The following PIP4K2B variants were observed in gnomAD, a reference collection of about 807,000 sequenced individuals.
PIP4K2B encodes phosphatidylinositol-5-phosphate 4-kinase type 2 beta, also known as phosphatidylinositol 5-phosphate 4-kinase type-2 beta.
PIP4K2B carries 3 observed loss-of-function variants against 42.0 expected under a neutral mutation model. The observed-to-expected ratio is 0.07, with a 90% CI of 0.03 to 0.18. The LOEUF is 0.18. Ranked by LOEUF, PIP4K2B falls within the 10% of genes least tolerant of loss-of-function variation. The probability of loss-of-function intolerance (pLI) is 1.00; values close to 1 mark genes in which losing one functional copy is unlikely to be tolerated. For missense variants in PIP4K2B, 332 were observed against 562.3 expected, an observed-to-expected ratio of 0.59 and a Z score of 4.14; for synonymous variants, 204 against 210.1, an observed-to-expected ratio of 0.97 and a Z score of 0.25.
At position 38,788,504 on chromosome 17, in the gene PIP4K2B, T is replaced by C. The variant is rs184425741; in HGVS notation, c.160-1584A>G. Among the ~76,000 whole-genome samples the C allele has an allele frequency of 5.5e-3, 829 of 151,674 alleles. 9 individuals carry two copies. Among genetic ancestry groups the C allele is most frequent in the African/African-American group, 0.019 (783 of 41,422 alleles). On this transcript the variant is annotated intron_variant, in intron 1 of 9. Coordinates refer to ENST00000619039, the MANE Select transcript of PIP4K2B (RefSeq NM_003559.5). ...CATGAGCCACTGCGCCCGGCTGTAATAGATTAAAGTGAGCAGTAGTAAATG... is the reference window on the plus strand; with the variant it reads ...CATGAGCCACTGCGCCCGGCTGTAACAGATTAAAGTGAGCAGTAGTAAATG...
At chr17:38,769,892 C>T in intron 9 of PIP4K2B, 121 bp from the exon 10 acceptor site, 1 of 846,282 alleles carries the variant, frequency 1.2e-6, no homozygotes, top group South Asian at 1.4e-5. Context: ...ATACCACCCC[C>T]AACCCCACCA....
chr17:38,776,793 T>C (rs1909381806), intron 7 of PIP4K2B, among the ~76,000 whole-genome samples: 1 of 152,194 alleles, frequency 6.6e-6, no homozygotes, highest in South Asian at 2.1e-4. Context: ...TATCAAGTGG[T>C]CCAGATAACA....
chr17:38,771,115 G>A lies in PIP4K2B; in HGVS notation c.965C>T (p.Thr322Ile), dbSNP rs777105009. 6.2e-7 allele frequency: 1 copy of A among 1,614,166 alleles called. No homozygotes were observed. The highest frequency in any genetic ancestry group is 1.1e-5 in the South Asian group (1 of 91,084). The change falls in exon 8 of 10, where the codon ACA (threonine) becomes ATA (isoleucine). Residue 322 changes from threonine (T) to isoleucine (I), a missense_variant. Around this residue, in one of 6 missense-constraint regions of PIP4K2B, gnomAD observed 63 missense variants for 71.6 expected, o/e 0.88. Coordinates refer to ENST00000619039, the MANE Select transcript of PIP4K2B (RefSeq NM_003559.5). The part of the protein sequence containing the change: ...VGGNLLCSYG[T>I]PPDSPGNLLS... ...GAGGTTGCCAGGGCTGTCCGGAGGT[G>A]TGCCATAGGAGCAGAGTAGGTTGCC...
At chr17:38,774,411 G>A (rs1204974507) in intron 7 of PIP4K2B, among the ~76,000 whole-genome samples, 1 of 152,184 alleles carries the variant, frequency 6.6e-6, no homozygotes, top group Non-Finnish European at 1.5e-5. Context: ...GCTCTCCTGG[G>A]CCTCCGGCTT....
At chr17:38,784,167 G>T in intron 3 of PIP4K2B, 76 bp downstream of exon 3, 1 of 869,622 alleles carries the variant, frequency 1.1e-6, no homozygotes, top group South Asian at 1.4e-5. Context: ...AACACGTTTT[G>T]ATTCTCTACC....
At chr17:38,777,620 G>A in intron 7 of PIP4K2B, 67 bp downstream of exon 7, 6 of 1,020,600 alleles carry the variant, frequency 5.9e-6, no homozygotes, top group Non-Finnish European at 9.4e-6. Flanking sequence ...TTCTTCTTAA[G>A]GTTTAAGAGG....
intron 2 of PIP4K2B, 127 bp from the exon 3 acceptor site, chr17:38,784,466 C>T: frequency 1.7e-6 from 1 of 575,824 alleles, no homozygotes; most frequent in South Asian, 2.4e-5. Context: ...GAACTCCTGG[C>T]TTCAAGCGAT....
intron 1 of PIP4K2B, among the ~76,000 whole-genome samples, chr17:38,789,756 TAGGAATGCACGTGCTTTG>T (rs1474458982): frequency 1.3e-5 from 2 of 151,934 alleles, no homozygotes; most frequent in Non-Finnish European, 2.9e-5. Flanking sequence ...AAGGAAGCCA[TAGGAATGCACGTGCTTTG>T]AGAGGGATGC....
chr17:38,779,331 C>T (rs1025257798), intron 5 of PIP4K2B, 52 bp downstream of exon 5: 65 of 1,547,196 alleles, frequency 4.2e-5, no homozygotes, highest in African/African-American at 3.5e-4. Flanking sequence ...GTGGCCCCTT[C>T]GGGGCTCAGA....
intron 7 of PIP4K2B, 23 bp from the exon 8 acceptor site, chr17:38,771,295 G>A (rs1315708238): frequency 6.2e-7 from 1 of 1,613,632 alleles, no homozygotes; most frequent in East Asian, 2.2e-5. Context: ...AGGATGGAAA[G>A]ATGGAAGGAA....
intron 5 of PIP4K2B, among the ~76,000 whole-genome samples, chr17:38,779,140 C>CA (rs1412355696): frequency 6.6e-6 from 1 of 152,244 alleles, no homozygotes; most frequent in East Asian, 1.9e-4. Flanking sequence ...GCACATTCCA[C>CA]AGACAGGAAC....
At position 38,786,907 on chromosome 17, in the gene PIP4K2B, C is replaced by T. The variant is rs1268824863; in HGVS notation, c.173G>A (p.Ser58Asn). The T allele has an allele frequency of 1.2e-6, 2 of 1,612,268 alleles. No homozygotes were observed. The highest frequency in any genetic ancestry group is 1.7e-6 in the Non-Finnish European group (2 of 1,178,388). The change falls in exon 2 of 10, where the codon AGC becomes AAC. Residue 58 changes from serine to asparagine, a missense_variant. Around this residue, in one of 6 missense-constraint regions of PIP4K2B, gnomAD observed 186 missense variants for 288.4 expected, o/e 0.64. Coordinates refer to ENST00000619039, the MANE Select transcript of PIP4K2B (RefSeq NM_003559.5). ...WGVNHTINEL[S>N]NVPVPVMLMP... ...TAGCATGACAGGAACAGGAACATTG[C>T]TCAGCTCATTGATCTGAAAAGCAAG...
chr17:38,798,750 G>A (rs1910784642), intron 1 of PIP4K2B, among the ~76,000 whole-genome samples: 1 of 152,162 alleles, frequency 6.6e-6, no homozygotes, highest in Non-Finnish European at 1.5e-5. Flanking sequence ...GGAAACCCAG[G>A]GTGGAGTTCT....
At chr17:38,783,686 C>T (rs555604982) in intron 3 of PIP4K2B, among the ~76,000 whole-genome samples, 4 of 152,164 alleles carry the variant, frequency 2.6e-5, no homozygotes, top group Admixed American at 1.3e-4. Context: ...CTGCAACCTC[C>T]GCCTCCCAGG....
intron 4 of PIP4K2B, 122 bp from the exon 5 acceptor site, chr17:38,779,651 C>T: frequency 1.2e-6 from 1 of 807,004 alleles, no homozygotes; most frequent in South Asian, 1.7e-5. Flanking sequence ...ACCAGTAGTT[C>T]TCCAGCTGGG....
chr17:38,776,700 A>T (rs1179760703), intron 7 of PIP4K2B: 1 of 394,954 alleles, frequency 2.5e-6, no homozygotes, highest in Non-Finnish European at 4.9e-6. Context: ...AATTAAAAAA[A>T]ATTTTTTTTC....
intron 7 of PIP4K2B, among the ~76,000 whole-genome samples, chr17:38,771,689 G>A (rs1909053736): frequency 1.3e-5 from 2 of 151,918 alleles, no homozygotes; most frequent in East Asian, 1.9e-4. Flanking sequence ...AAGATAGAAC[G>A]AGCACTGCAG....
At chr17:38,781,613 C>T (rs1909719981) in intron 3 of PIP4K2B, among the ~76,000 whole-genome samples, 3 of 152,064 alleles carry the variant, frequency 2.0e-5, no homozygotes, top group Admixed American at 2.0e-4. Flanking sequence ...ACCTCCTGGG[C>T]TCAAGTGATC....
At chr17:38,791,488 CA>C (rs924505389) in intron 1 of PIP4K2B, among the ~76,000 whole-genome samples, 1 of 145,822 alleles carries the variant, frequency 6.9e-6, no homozygotes, top group African/African-American at 2.5e-5. Flanking sequence ...GTGCTCACCG[CA>C]ACTTCCGCCT....
Sources: gnomAD v4.1 joint callset for allele counts (sites outside exome capture counted in the v4.1 genomes callset) on GRCh38, gnomAD v4.1.1 for gene constraint, gnomAD v4.1.1 regional missense constraint, MANE v1.5 for transcripts, NCBI Gene and HGNC (gene_info 2026-07-23, HGNC 2026-07-21) for gene names.